Variants in EPHA3 observed in about 807,000 individuals in gnomAD.
EPHA3 encodes the protein ephrin type-A receptor 3.
A neutral mutation model predicts 107.1 loss-of-function variants in EPHA3; 42 were observed. The observed-to-expected ratio is 0.39, with a 90% confidence interval of 0.31 to 0.51. The LOEUF is 0.51. EPHA3 is among the 20% of genes least tolerant of loss of function. The probability of loss-of-function intolerance (pLI) is 0.78; values close to 1 mark genes in which losing one functional copy is unlikely to be tolerated. For missense variants in EPHA3, 1,183 were observed against 1,211.2 expected (o/e 0.98, Z 0.35); for synonymous variants, 461 against 424.8 (o/e 1.09, Z -1.05).
intron 5 of EPHA3, among the ~76,000 whole-genome samples, chr3:89,387,718 T>G (rs1324637146): frequency 6.6e-6 from 1 of 152,172 alleles, no homozygotes; most frequent in Non-Finnish European, 1.5e-5. Context: ...TAACAAGGAA[T>G]ATGTTGATTA....
chr3:89,304,727 C>T (rs1368908060), intron 3 of EPHA3, among the ~76,000 whole-genome samples: 3 of 152,012 alleles, frequency 2.0e-5, no homozygotes, highest in African/African-American at 7.2e-5. Flanking sequence ...ATGTAATATG[C>T]ATATTTATTA....
intron 5 of EPHA3, among the ~76,000 whole-genome samples, chr3:89,359,637 C>T (rs1332045043): frequency 6.7e-6 from 1 of 148,804 alleles, no homozygotes; most frequent in African/African-American, 2.4e-5. Context: ...TATCAGTAGC[C>T]ATTTCTTCTT....
chr3:89,113,712 C>T (rs1417349308), intron 1 of EPHA3, among the ~76,000 whole-genome samples: 1 of 147,706 alleles, frequency 6.8e-6, no homozygotes, highest in African/African-American at 2.5e-5. Flanking sequence ...CCCTAAAAAC[C>T]CCGCACACTT....
chr3:89,428,731 A>G (rs904401011), intron 11 of EPHA3, among the ~76,000 whole-genome samples: 2 of 152,120 alleles, frequency 1.3e-5, no homozygotes, highest in Non-Finnish European at 2.9e-5. Flanking sequence ...ACCCATAGAA[A>G]GAATAAATAA....
At chr3:89,187,111 C>G (rs927299977) in intron 2 of EPHA3, among the ~76,000 whole-genome samples, 1 of 151,660 alleles carries the variant, frequency 6.6e-6, no homozygotes, top group African/African-American at 2.4e-5. Context: ...GTACTACAGA[C>G]TTTAATTTTT....
intron 3 of EPHA3, among the ~76,000 whole-genome samples, chr3:89,332,705 TTGCAGGGCCAGGA>T (rs1209887144): frequency 6.6e-6 from 1 of 152,168 alleles, no homozygotes. Context: ...AGGCCTGGAA[TTGCAGGGCCAGGA>T]AATCATCTGT....
intron 2 of EPHA3, among the ~76,000 whole-genome samples, chr3:89,180,257 T>C (rs1576208945): frequency 6.6e-6 from 1 of 151,946 alleles, no homozygotes; most frequent in Non-Finnish European, 1.5e-5. Flanking sequence ...AGACCAGGCT[T>C]GAATGTGGAA....
chr3:89,319,550 G>T (rs1706992175), intron 3 of EPHA3, among the ~76,000 whole-genome samples: 1 of 151,930 alleles, frequency 6.6e-6, no homozygotes, highest in African/African-American at 2.4e-5. Context: ...GAGCTGCGTA[G>T]TCACCAGAGA....
chr3:89,269,076 TC>T (rs1705601708), intron 3 of EPHA3, among the ~76,000 whole-genome samples: 1 of 152,142 alleles, frequency 6.6e-6, no homozygotes, highest in Non-Finnish European at 1.5e-5. Context: ...ACAATCTACT[TC>T]GAGTGTTGCT....
intron 2 of EPHA3, among the ~76,000 whole-genome samples, chr3:89,141,720 T>G (rs1704435815): frequency 6.6e-6 from 1 of 151,312 alleles, no homozygotes; most frequent in African/African-American, 2.4e-5. Context: ...TAAAAAGAGA[T>G]GTGATCTGTT....
intron 3 of EPHA3, among the ~76,000 whole-genome samples, chr3:89,231,595 T>C (rs1704636273): frequency 6.6e-6 from 1 of 152,134 alleles, no homozygotes; most frequent in South Asian, 2.1e-4. Context: ...ATGGATAACC[T>C]GGTGATCCCG....
rs748888287 is a variant in EPHA3, at chr3:89,399,333, A to T, written c.1447A>T (p.Ser483Cys). 2 of 1,610,038 alleles carry T rather than the reference A, an allele frequency of 1.2e-6. No homozygotes were observed. The highest frequency in any genetic ancestry group is 1.1e-5 in the South Asian group (1 of 90,700). The change falls in exon 7 of 17, where the codon AGT becomes TGT. Residue 483 changes from serine (S) to cysteine (C), a missense_variant. Coordinates refer to ENST00000336596, the MANE Select transcript of EPHA3 (RefSeq NM_005233.6). ...GACCTCAAAGCAGGAACAAGAAACA[A>T]GTTATACCATTCTGAGGGCAAGAGG... Reference protein sequence around the residue: ...KYYEKQEQETSYTILRARGTN... With the variant: ...KYYEKQEQETCYTILRARGTN...
chr3:89,152,710 C>T (rs2107047898), intron 2 of EPHA3, among the ~76,000 whole-genome samples: 1 of 152,030 alleles, frequency 6.6e-6, no homozygotes, highest in African/African-American at 2.4e-5. Context: ...AAGTAAAAAC[C>T]ATCTTTGAGG....
At chr3:89,385,168 A>C (rs1325913639) in intron 5 of EPHA3, among the ~76,000 whole-genome samples, 2 of 152,220 alleles carry the variant, frequency 1.3e-5, no homozygotes, top group African/African-American at 4.8e-5. Context: ...TATTTGCTCT[A>C]TATGTATTAT....
chr3:89,136,394 A>C (rs534212638), intron 2 of EPHA3, among the ~76,000 whole-genome samples: 2 of 135,122 alleles, frequency 1.5e-5, no homozygotes, highest in African/African-American at 5.5e-5. Flanking sequence ...GAAAAAAAAA[A>C]GGGAAAACGT....
rs1158112887 is a variant in EPHA3 at position 89,479,663 on chromosome 3, T to A, written c.*161T>A. 4.5e-5 allele frequency: 25 copies of A among 560,118 alleles called. No homozygotes were observed. Among genetic ancestry groups the A allele is most frequent in the Non-Finnish European group, 3.5e-5 (11 of 314,810 alleles). The allele number at this position is 560,118 out of a possible 1,614,324, so 34.7% of individuals were successfully genotyped here. On this transcript the variant is annotated 3_prime_UTR_variant, in exon 17 of 17. Transcript: ENST00000336596. ...GCCTTAAAATGGAATTGAAAAACTC[T>A]TTATTTTCCCCTATCATTTATTGGA...
intron 3 of EPHA3, among the ~76,000 whole-genome samples, chr3:89,242,071 C>A (rs538054780): frequency 6.6e-6 from 1 of 152,216 alleles, no homozygotes; most frequent in Admixed American, 6.5e-5. Flanking sequence ...AAGGTGCTTT[C>A]TAATCAATGA....
chr3:89,129,514 T>C (rs1308710053), intron 2 of EPHA3, among the ~76,000 whole-genome samples: 1 of 151,732 alleles, frequency 6.6e-6, no homozygotes, highest in Non-Finnish European at 1.5e-5. Flanking sequence ...TGATATATAG[T>C]GTATATTTCC....
intron 3 of EPHA3, among the ~76,000 whole-genome samples, chr3:89,313,264 G>T (rs562128471): frequency 6.6e-6 from 1 of 151,784 alleles, no homozygotes; most frequent in South Asian, 2.1e-4. Context: ...GCATATAATT[G>T]GATCTTGATT....
Sources: gnomAD v4.1 joint callset for allele counts (sites outside exome capture counted in the v4.1 genomes callset) on GRCh38, gnomAD v4.1.1 for gene constraint, MANE v1.5 for transcripts, NCBI Gene and HGNC (gene_info 2026-07-23, HGNC 2026-07-21) for gene names.